AIG1: variants seen among roughly 807,000 people sequenced by gnomAD.
AIG1 encodes androgen-induced gene 1 protein.
In AIG1, 23 loss-of-function variants were observed where a neutral mutation model predicts 31.4. The observed-to-expected ratio is 0.73, with a 90% confidence interval of 0.53 to 1.04. The LOEUF (loss-of-function observed/expected upper bound fraction) is 1.04, where lower values mean the gene tolerates loss of function less well. AIG1 is among the 50% of genes least tolerant of loss of function. The pLI is 0.00. For synonymous variants in AIG1, 100 were observed against 110.5 expected (o/e 0.90, Z 0.60); for missense variants, 274 against 295.0 (o/e 0.93, Z 0.52).
rs956429159 is a variant in AIG1 at position 143,297,310 on chromosome 6, T to C, written c.515+13085T>C. Among the ~76,000 whole-genome samples, 1 of 152,196 alleles carries C rather than the reference T, an allele frequency of 6.6e-6. No individual in the cohort carries two copies. The highest frequency in any genetic ancestry group is 2.4e-5 in the African/African-American group (1 of 41,450). ...GGGAGCCAAAGCAGTTCAGTGCACCTGGACCCATTGACATTTTGCCCTCCT... is the reference window on the plus strand; with the variant it reads ...GGGAGCCAAAGCAGTTCAGTGCACCCGGACCCATTGACATTTTGCCCTCCT... On this transcript the variant is annotated intron_variant, in intron 4 of 5. Coordinates refer to ENST00000357847, the MANE Select transcript of AIG1 (RefSeq NM_016108.4). The surrounding 1 kb of genome is among the most constrained non-coding windows in gnomAD (Gnocchi z 5.1).
intron 3 of AIG1, among the ~76,000 whole-genome samples, chr6:143,276,352 A>T (rs1405901740): frequency 6.6e-6 from 1 of 152,228 alleles, no homozygotes; most frequent in Non-Finnish European, 1.5e-5. Flanking sequence ...GGAAGTGCCC[A>T]GAACATACTG....
At chr6:143,093,403 T>C (rs1382259144) in intron 1 of AIG1, among the ~76,000 whole-genome samples, 1 of 152,206 alleles carries the variant, frequency 6.6e-6, no homozygotes. Context: ...TGAAGAGAGT[T>C]AGGACCTTGC....
intron 3 of AIG1, among the ~76,000 whole-genome samples, chr6:143,253,636 G>A (rs1319220163): frequency 1.3e-5 from 2 of 152,168 alleles, no homozygotes; most frequent in African/African-American, 4.8e-5. Context: ...TGCATTTACT[G>A]TGTAGTTATT....
intron 4 of AIG1, among the ~76,000 whole-genome samples, chr6:143,315,298 G>A (rs1201772544): frequency 6.6e-6 from 1 of 152,054 alleles, no homozygotes; most frequent in Non-Finnish European, 1.5e-5. Flanking sequence ...ATCCCAGTAA[G>A]TTATTTTGTA....
intron 2 of AIG1, among the ~76,000 whole-genome samples, chr6:143,156,268 G>A (rs1273065947): frequency 2.0e-5 from 3 of 152,194 alleles, no homozygotes; most frequent in African/African-American, 7.2e-5. Context: ...ATCCGTTAGT[G>A]AGTACTTGAG....
chr6:143,206,137 T>G (rs894685777), intron 3 of AIG1, among the ~76,000 whole-genome samples: 1 of 152,238 alleles, frequency 6.6e-6, no homozygotes, highest in Admixed American at 6.5e-5. Flanking sequence ...CAGCGAAGGC[T>G]GACACAACCA....
chr6:143,308,037 G>T (rs1799478881), intron 4 of AIG1, among the ~76,000 whole-genome samples: 1 of 152,208 alleles, frequency 6.6e-6, no homozygotes, highest in Non-Finnish European at 1.5e-5. Context: ...CTCCTGGTGT[G>T]CCATTTTTTA....
intron 1 of AIG1, among the ~76,000 whole-genome samples, chr6:143,078,801 G>A (rs1317507296): frequency 6.6e-6 from 1 of 152,192 alleles, no homozygotes; most frequent in African/African-American, 2.4e-5. Flanking sequence ...AGATTTGGGT[G>A]GGGACACAGC....
rs1456124467 is a variant in AIG1 at position 143,291,597 on chromosome 6, C to T, written c.515+7372C>T. On this transcript the variant is annotated intron_variant, in intron 4 of 5. Transcript: ENST00000357847. This position sits in a 1 kb window ranked among gnomAD's most constrained non-coding sequence, Gnocchi z 4.2. ...ACAGGCAGTGAAGTCAGAAGATATT[C>T]ATCCTTCTTCCATTTCCCCCGCCAG... Among the ~76,000 whole-genome samples the T allele has an allele frequency of 1.3e-5, 2 of 152,224 alleles. No homozygotes were observed. Among genetic ancestry groups the T allele is most frequent in the African/African-American group, 4.8e-5 (2 of 41,454 alleles).
At chr6:143,199,422 A>G (rs1790515741) in intron 3 of AIG1, among the ~76,000 whole-genome samples, 1 of 152,142 alleles carries the variant, frequency 6.6e-6, no homozygotes. Context: ...TTGAAGCTGG[A>G]TGATGGGTTC....
Position 143,329,590 on chromosome 6 carries a change from CT to C in AIG1, c.516-3691del, listed in dbSNP as rs1304217133. 1.3e-5 allele frequency among the ~76,000 whole-genome samples: 2 copies of C among 152,106 alleles called. No homozygotes were observed. The highest frequency in any genetic ancestry group is 2.9e-5 in the Non-Finnish European group (2 of 68,018). The stretch of plus-strand genomic sequence containing the variant: ...TGAGAAGACTAGATGACATTGTGTG[CT>C]GAAGGAACTTTGTGAAATACAAAGA... On this transcript the variant is annotated intron_variant, in intron 4 of 5. Transcript: ENST00000357847. This position sits in a 1 kb window ranked among gnomAD's most constrained non-coding sequence, Gnocchi z 4.9.
At chr6:143,302,568 G>A (rs923979213) in intron 4 of AIG1, among the ~76,000 whole-genome samples, 4 of 152,096 alleles carry the variant, frequency 2.6e-5, no homozygotes, top group Non-Finnish European at 5.9e-5. Context: ...CATTTTTTAT[G>A]GCTGCATAGT....
chr6:143,209,997 A>C (rs1791459005), intron 3 of AIG1, among the ~76,000 whole-genome samples: 1 of 152,230 alleles, frequency 6.6e-6, no homozygotes, highest in East Asian at 1.9e-4. Flanking sequence ...TCCCCACCCA[A>C]ATCTCACCTT....
intron 1 of AIG1, among the ~76,000 whole-genome samples, chr6:143,078,578 T>C (rs1777932487): frequency 6.6e-6 from 1 of 152,082 alleles, no homozygotes; most frequent in Admixed American, 6.5e-5. Flanking sequence ...CTCACAATCG[T>C]GGTGGAAGGC....
chr6:143,069,189 G>A (rs1777012591), intron 1 of AIG1, among the ~76,000 whole-genome samples: 2 of 151,916 alleles, frequency 1.3e-5, no homozygotes, highest in South Asian at 4.1e-4. Context: ...TAATTTTTTT[G>A]TATTTTTAGT....
intron 3 of AIG1, among the ~76,000 whole-genome samples, chr6:143,234,423 A>G (rs915247746): frequency 2.0e-5 from 3 of 152,168 alleles, no homozygotes; most frequent in African/African-American, 7.2e-5. Context: ...TAAATATCCT[A>G]AGGGAGTTCC....
At chr6:143,068,556 A>G (rs1776941939) in intron 1 of AIG1, among the ~76,000 whole-genome samples, 2 of 152,368 alleles carry the variant, frequency 1.3e-5, no homozygotes, top group Admixed American at 6.5e-5. Flanking sequence ...GTGCACTCAC[A>G]TTGTCTTATA....
intron 3 of AIG1, among the ~76,000 whole-genome samples, chr6:143,195,327 A>G (rs1258708617): frequency 2.6e-5 from 4 of 152,220 alleles, no homozygotes; most frequent in Non-Finnish European, 5.9e-5. Context: ...AGACTCCTCC[A>G]TACCAAAAAC....
At chr6:143,300,705 A>G (rs1037885088) in intron 4 of AIG1, among the ~76,000 whole-genome samples, 16 of 152,236 alleles carry the variant, frequency 1.1e-4, no homozygotes, top group African/African-American at 3.9e-4. Context: ...TTTATAGCAT[A>G]TTGAGTTAAT....
Sources: gnomAD v4.1 joint callset for allele counts (sites outside exome capture counted in the v4.1 genomes callset) on GRCh38, gnomAD v4.1.1 for gene constraint, Gnocchi (gnomAD v3.1) non-coding constraint, MANE v1.5 for transcripts, NCBI Gene and HGNC (gene_info 2026-07-23, HGNC 2026-07-21) for gene names.